CFAP20DC: variants seen among roughly 807,000 people sequenced by gnomAD.
CFAP20DC encodes protein CFAP20DC.
Under a neutral mutation model 101.7 loss-of-function variants are expected in CFAP20DC, and 84 were observed. The observed-to-expected ratio is 0.83, with a 90% CI of 0.69 to 0.99. The LOEUF is 0.99. Ranked by LOEUF, CFAP20DC falls within the 50% of genes least tolerant of loss-of-function variation. The pLI, the probability that CFAP20DC is intolerant of heterozygous loss-of-function variation, is 0.00. For missense variants in CFAP20DC, 1,007 were observed against 970.3 expected (o/e 1.04, Z -0.50); for synonymous variants, 359 against 351.2 (o/e 1.02, Z -0.25).
At chr3:58,719,072 C>T (rs762576136) in intron 3 of CFAP20DC, among the ~76,000 whole-genome samples, 9 of 151,980 alleles carry the variant, frequency 5.9e-5, no homozygotes, top group Non-Finnish European at 1.0e-4. Flanking sequence ...GGGGAAACCT[C>T]GTCTCTACAA....
intron 5 of CFAP20DC, among the ~76,000 whole-genome samples, chr3:58,922,961 T>C (rs900782772): frequency 2.0e-5 from 3 of 152,198 alleles, no homozygotes; most frequent in Non-Finnish European, 2.9e-5. Context: ...GTTTGTGTCA[T>C]TGTCATATAT....
At chr3:58,792,155 G>A (rs528645809) in intron 15 of CFAP20DC, among the ~76,000 whole-genome samples, 11 of 152,122 alleles carry the variant, frequency 7.2e-5, no homozygotes, top group South Asian at 2.1e-4. Flanking sequence ...TTGAGAGAAC[G>A]TTAGAAGAGA....
Position 58,860,175 on chromosome 3 carries a change from C to CA in CFAP20DC, c.1593+3382dup, listed in dbSNP as rs10575757. On this transcript the variant is annotated intron_variant, in intron 12 of 16. Coordinates refer to ENST00000482387, the MANE Select transcript of CFAP20DC (RefSeq NM_001394063.1). ...CTGGCTACAGGGCAAAACTCCATCT[C>CA]AAAAAAAAAAAAAAAAAAAGAAAGA... Among the ~76,000 whole-genome samples, 361 of 78,120 alleles carry CA rather than the reference C, an allele frequency of 4.6e-3. 2 individuals carry two copies. The highest frequency in any genetic ancestry group is 0.013 in the African/African-American group (274 of 21,600). The allele number at this position is 78,120 out of a possible 152,430, so 51.2% of individuals were successfully genotyped here. A position where few individuals can be genotyped will look rare whatever the true frequency, so the allele number is the denominator to read the frequency against.
At chr3:58,988,741 A>G (rs2092833096) in intron 4 of CFAP20DC, among the ~76,000 whole-genome samples, 2 of 152,214 alleles carry the variant, frequency 1.3e-5, no homozygotes, top group Admixed American at 1.3e-4. Context: ...TAAAATATGT[A>G]GCCATTATTA....
rs540844757 is a variant in CFAP20DC at position 59,034,713 on chromosome 3, CAA to C, written c.278+4842_278+4843del. On this transcript the variant is annotated intron_variant, in intron 4 of 16. Transcript: ENST00000482387. The stretch of plus-strand genomic sequence containing the variant: ...CATAAAGCAAGTTCTTAGAGACCAA[CAA>C]AGAGACTTAGACTCCACAAAATAAT... 5.1e-4 allele frequency among the ~76,000 whole-genome samples: 77 copies of C among 152,196 alleles called. 1 individual carries two copies. Among genetic ancestry groups the C allele is most frequent in the African/African-American group, 1.8e-3 (76 of 41,528 alleles).
chr3:58,863,383 A>G lies in CFAP20DC; in HGVS notation c.1593+175T>C, dbSNP rs1241339645. 1.4e-6 allele frequency: 2 copies of G among 1,384,064 alleles called. No individual in the cohort carries two copies. Among genetic ancestry groups the G allele is most frequent in the East Asian group, 5.3e-5 (2 of 37,934 alleles). 85.7% of individuals were successfully genotyped at this position (1,384,064 alleles called of 1,614,324 possible). A position where few individuals can be genotyped will look rare whatever the true frequency, so the allele number is the denominator to read the frequency against. On this transcript the variant is annotated intron_variant, in intron 12 of 16. Coordinates refer to ENST00000482387, the MANE Select transcript of CFAP20DC (RefSeq NM_001394063.1). The surrounding 1 kb of genome is among the most constrained non-coding windows in gnomAD (Gnocchi z 5.9). Reference sequence around the variant, plus strand: ...CTGACTGTTAATTAAAAAAAAAAAAAGACAGTTTAAAGTTACCATAACAAC... The same window carrying G: ...CTGACTGTTAATTAAAAAAAAAAAAGGACAGTTTAAAGTTACCATAACAAC...
At chr3:58,770,342 C>G (rs2107488484) in intron 15 of CFAP20DC, among the ~76,000 whole-genome samples, 1 of 152,272 alleles carries the variant, frequency 6.6e-6, no homozygotes, top group Middle Eastern at 3.4e-3. Flanking sequence ...TGTGCTGTTG[C>G]AGACTTTATG....
At chr3:58,782,190 T>C (rs2071894786) in intron 15 of CFAP20DC, among the ~76,000 whole-genome samples, 2 of 151,998 alleles carry the variant, frequency 1.3e-5, no homozygotes, top group Admixed American at 6.6e-5. Flanking sequence ...TGAAGGTTTA[T>C]AATCAACTCA....
At chr3:58,842,762 C>G (rs2077250662) in intron 13 of CFAP20DC, among the ~76,000 whole-genome samples, 1 of 152,218 alleles carries the variant, frequency 6.6e-6, no homozygotes, top group Non-Finnish European at 1.5e-5. Context: ...TTAAGTGTCC[C>G]TGTCTGACAG....
At chr3:58,832,603 G>A (rs1175836341) in intron 13 of CFAP20DC, among the ~76,000 whole-genome samples, 1 of 152,136 alleles carries the variant, frequency 6.6e-6, no homozygotes, top group Admixed American at 6.5e-5. Flanking sequence ...AAGCCATCAA[G>A]TAAAATTTGA....
At chr3:59,027,969 T>C (rs1275859767) in intron 4 of CFAP20DC, among the ~76,000 whole-genome samples, 1 of 152,236 alleles carries the variant, frequency 6.6e-6, no homozygotes, top group Non-Finnish European at 1.5e-5. Context: ...ACTAATATTA[T>C]GAAATAAGCA....
intron 13 of CFAP20DC, among the ~76,000 whole-genome samples, chr3:58,836,932 C>T (rs1049819998): frequency 3.3e-5 from 5 of 151,950 alleles, no homozygotes; most frequent in Non-Finnish European, 5.9e-5. Flanking sequence ...GTTAAAGCTT[C>T]ATAAAGGATG....
intron 7 of CFAP20DC, among the ~76,000 whole-genome samples, chr3:58,879,009 G>GAA (rs112153201): frequency 6.5e-5 from 8 of 123,090 alleles, no homozygotes; most frequent in South Asian, 2.6e-4. Flanking sequence ...CTTCGTCTCC[G>GAA]AAAAAAAAAA....
chr3:58,872,514 T>C (rs996485155), intron 7 of CFAP20DC, among the ~76,000 whole-genome samples: 2 of 152,122 alleles, frequency 1.3e-5, no homozygotes, highest in East Asian at 1.9e-4. Flanking sequence ...AATAGATAAA[T>C]CTGAAGATAA....
At chr3:58,784,513 C>T (rs759979566) in intron 15 of CFAP20DC, among the ~76,000 whole-genome samples, 5 of 151,994 alleles carry the variant, frequency 3.3e-5, no homozygotes, top group African/African-American at 7.2e-5. Context: ...TCCTCTGAAT[C>T]TAAAATAAAA....
intron 4 of CFAP20DC, among the ~76,000 whole-genome samples, chr3:58,991,649 G>A (rs1434434734): frequency 6.6e-6 from 1 of 152,116 alleles, no homozygotes; most frequent in Non-Finnish European, 1.5e-5. Context: ...GAGATCTCAG[G>A]CATTAGATTC....
In CFAP20DC at chr3:58,742,314, C is replaced by T. The variant is rs1032236450; in HGVS notation, c.*146G>A. 1.3e-5 allele frequency: 16 copies of T among 1,258,236 alleles called. No homozygotes were observed. The African/African-American group carries it at 1.9e-4, about 15-fold the overall frequency. The allele number at this position is 1,258,236 out of a possible 1,614,324, so 77.9% of individuals were successfully genotyped here. ...GAATATAGGTATTCTTAACGTTGAA[C>T]ATTATTTACAAAATGAATTCGTTTC... On this transcript the variant is annotated 3_prime_UTR_variant, in exon 17 of 17. Coordinates refer to ENST00000482387, the MANE Select transcript of CFAP20DC (RefSeq NM_001394063.1).
chr3:58,832,011 A>T (rs1009666037), intron 13 of CFAP20DC, 122 bp from the exon 14 acceptor site: 28 of 740,114 alleles, frequency 3.8e-5, no homozygotes, highest in Non-Finnish European at 6.2e-5. Context: ...AATCCCTAAC[A>T]TGCCTCCATG....
Position 59,031,280 on chromosome 3 carries a change from A to G in CFAP20DC, c.278+8277T>C, listed in dbSNP as rs547750187. ...TAAGGTTCAGCCAAATGTCTTGTAC[A>G]ATTTTGATCAAAAGGCCAACTACCA... On this transcript the variant is annotated intron_variant, in intron 4 of 16. Transcript: ENST00000482387. Among the ~76,000 whole-genome samples, 98 of 152,310 alleles carry G rather than the reference A, an allele frequency of 6.4e-4. 2 individuals carry two copies. In the South Asian group the frequency reaches 0.02, roughly 31 times the overall value.
Sources: allele counts gnomAD v4.1 joint callset (sites outside exome capture counted in the v4.1 genomes callset), GRCh38; gene constraint gnomAD v4.1.1; non-coding constraint Gnocchi (gnomAD v3.1); transcripts MANE v1.5; gene names NCBI Gene and HGNC (gene_info 2026-07-23, HGNC 2026-07-21).